The following DNAH6 variants were observed in gnomAD, a reference collection of about 807,000 sequenced individuals.
DNAH6 encodes axonemal beta dynein heavy chain 6.
A neutral mutation model predicts 491.4 loss-of-function variants in DNAH6; 340 were observed. The observed-to-expected ratio is 0.69, with a 90% confidence interval of 0.63 to 0.76. The LOEUF is 0.76. Among genes scored for constraint, DNAH6 ranks in the 30% least tolerant of loss-of-function variants. The probability of loss-of-function intolerance (pLI) is 0.00; values close to 1 mark genes in which losing one functional copy is unlikely to be tolerated. For missense variants in DNAH6, 4,443 were observed against 4,972.2 expected, an observed-to-expected ratio of 0.89 and a Z score of 3.20; for synonymous variants, 1,603 against 1,686.1, an observed-to-expected ratio of 0.95 and a Z score of 1.21.
At chr2:84,596,582 C>T (rs150428264) in intron 18 of DNAH6, among the ~76,000 whole-genome samples, 11 of 151,946 alleles carry the variant, frequency 7.2e-5, no homozygotes, top group African/African-American at 2.4e-4. Context: ...CCACCTGCCT[C>T]GGCCTCCCAA....
intron 75 of DNAH6, among the ~76,000 whole-genome samples, chr2:84,814,464 T>G (rs1448921516): frequency 1.3e-5 from 2 of 152,192 alleles, no homozygotes; most frequent in Non-Finnish European, 2.9e-5. Flanking sequence ...ACACTACCTT[T>G]CACCAGCTGC....
At chr2:84,813,021 A>G (rs924289854) in intron 73 of DNAH6, 37 bp from the exon 74 acceptor site, 2 of 1,516,100 alleles carry the variant, frequency 1.3e-6, no homozygotes, top group African/African-American at 2.8e-5. Context: ...ATTCCATCCC[A>G]GAAATAACGT....
chr2:84,653,842 A>T lies in DNAH6; in HGVS notation c.5602A>T (p.Lys1868Ter). 2 of 1,550,578 alleles carry T rather than the reference A, an allele frequency of 1.3e-6. No homozygotes were observed. Among genetic ancestry groups the T allele is most frequent in the Non-Finnish European group, 1.7e-6 (2 of 1,146,100 alleles). The stretch of plus-strand genomic sequence containing the variant: ...TTGCCTGGCTAACAGTGAGAGGATT[A>T]AACTCACACCTCAAATTCACATGCT... ...MLCLANSERI[K>*]LTPQIHMLFE... Residue 1868 changes from lysine to a stop codon, truncating the protein, a stop_gained, in exon 34 of 77, where the codon AAA becomes TAA. Transcript: ENST00000389394. LOFTEE classifies it high-confidence loss of function.
chr2:84,715,476 A>G lies in DNAH6; in HGVS notation c.9544-84A>G, dbSNP rs1697437687. ...AGACCTGAGATACATCCGCCTGGGTAGTAATGAGCTGTGTTCTAATAAAGA... is the reference window on the plus strand; with the variant it reads ...AGACCTGAGATACATCCGCCTGGGTGGTAATGAGCTGTGTTCTAATAAAGA... On this transcript the variant is annotated intron_variant, in intron 57 of 76. Coordinates refer to ENST00000389394, the MANE Select transcript of DNAH6 (RefSeq NM_001370.2). 6.3e-6 allele frequency: 8 copies of G among 1,267,624 alleles called. No individual in the cohort carries two copies. In the East Asian group the frequency reaches 2.0e-4, roughly 32 times the overall value. 78.5% of individuals were successfully genotyped at this position (1,267,624 alleles called of 1,614,324 possible).
In DNAH6 at chr2:84,745,216, G is replaced by A; in HGVS notation, c.10479G>A (p.Lys3493=). ...GTGCAGGATTGAGTTCTTTCCATAAGCTAATTCTTATTAAATGTTGTAAAG... is the reference window on the plus strand; with the variant it reads ...GTGCAGGATTGAGTTCTTTCCATAAACTAATTCTTATTAAATGTTGTAAAG... The part of the protein sequence containing the change: ...PWSAGLSSFH[K]LILIKCCKEE... Residue 3493 remains lysine (K), a synonymous_variant, in exon 63 of 77, where the codon AAG becomes AAA. Transcript: ENST00000389394. 3 of 1,524,186 alleles carry A rather than the reference G, an allele frequency of 2.0e-6. No individual in the cohort carries two copies. In the South Asian group the frequency reaches 3.9e-5, roughly 20 times the overall value. 94.4% of individuals were successfully genotyped at this position (1,524,186 alleles called of 1,614,324 possible). A position where few individuals can be genotyped will look rare whatever the true frequency, so the allele number is the denominator to read the frequency against.
At chr2:84,604,022 ATCT>A (rs1020985477) in intron 18 of DNAH6, among the ~76,000 whole-genome samples, 8 of 152,232 alleles carry the variant, frequency 5.3e-5, no homozygotes, top group African/African-American at 1.7e-4. Context: ...ATTTAGCTGA[ATCT>A]TCTTAATAGT....
intron 18 of DNAH6, among the ~76,000 whole-genome samples, chr2:84,599,430 A>C (rs1262023058): frequency 6.6e-6 from 1 of 151,668 alleles, no homozygotes. Flanking sequence ...TATTTTCTCT[A>C]TGTTTCTTCT....
intron 37 of DNAH6, among the ~76,000 whole-genome samples, chr2:84,664,107 A>T (rs978040733): frequency 6.6e-6 from 1 of 152,216 alleles, no homozygotes; most frequent in African/African-American, 2.4e-5. Context: ...AGCACTAAAC[A>T]TGGAAAGGAA....
rs963568961 is a variant in DNAH6, at chr2:84,703,513, T to A, written c.8180T>A (p.Val2727Asp). The change falls in exon 50 of 77, where the codon GTT becomes GAT. Residue 2727 changes from valine (V) to aspartate (D), a missense_variant. Val to Asp is a radical substitution (Grantham distance 152, BLOSUM62 -3). Transcript: ENST00000389394. ...GTACTTTTAGCAAAATCAGAAGATGTTGAAGCCCTGATGGAAAAATTGGCA... is the reference window on the plus strand; with the variant it reads ...GTACTTTTAGCAAAATCAGAAGATGATGAAGCCCTGATGGAAAAATTGGCA... ...EPVLLAKSED[V>D]EALMEKLAVD... 2 of 1,551,396 alleles carry A rather than the reference T, an allele frequency of 1.3e-6. No homozygotes were observed. The highest frequency in any genetic ancestry group is 2.7e-5 in the African/African-American group (2 of 73,040).
the DNAH6 span, among the ~76,000 whole-genome samples, chr2:84,510,375 G>A: frequency 6.6e-6 from 1 of 152,170 alleles, no homozygotes; most frequent in African/African-American, 2.4e-5. Flanking sequence ...ATCGGCTACT[G>A]AGGCTTGTGC....
At chr2:84,612,097 G>A (rs1047280153) in intron 22 of DNAH6, among the ~76,000 whole-genome samples, 1 of 151,938 alleles carries the variant, frequency 6.6e-6, no homozygotes, top group Admixed American at 6.6e-5. Context: ...TTTCGGAAAA[G>A]GAGAATCTGC....
In DNAH6 at chr2:84,620,635, T is replaced by C. The variant is rs370156615; in HGVS notation, c.3793-556T>C. The stretch of plus-strand genomic sequence containing the variant: ...ACACAGTGGTGTATCTATGGGAACA[T>C]ATAAACATTTTATTTGTTCTGAATT... On this transcript the variant is annotated intron_variant, in intron 24 of 76. Coordinates refer to ENST00000389394, the MANE Select transcript of DNAH6 (RefSeq NM_001370.2). Among the ~76,000 whole-genome samples the C allele has an allele frequency of 4.6e-5, 7 of 152,304 alleles. No homozygotes were observed. The East Asian group carries it at 7.7e-4, about 17-fold the overall frequency.
chr2:84,672,192 C>G (rs1025824182), intron 39 of DNAH6, 135 bp from the exon 40 acceptor site: 1 of 846,166 alleles, frequency 1.2e-6, no homozygotes, highest in Non-Finnish European at 1.7e-6. Flanking sequence ...GTCTCTCCTC[C>G]TCCAGGCAGG....
intron 68 of DNAH6, among the ~76,000 whole-genome samples, chr2:84,795,896 C>T (rs1470926052): frequency 1.3e-5 from 2 of 152,298 alleles, no homozygotes; most frequent in East Asian, 3.9e-4. Context: ...GAATGCCTTG[C>T]TGCAAATACT....
At chr2:84,587,928 G>A (rs1222408072) in intron 15 of DNAH6, among the ~76,000 whole-genome samples, 1 of 152,140 alleles carries the variant, frequency 6.6e-6, no homozygotes, top group Non-Finnish European at 1.5e-5. Flanking sequence ...GGTCTTTCCT[G>A]GTTCTTTAGG....
At chr2:84,495,125 T>A in the DNAH6 span, among the ~76,000 whole-genome samples, 4 of 152,172 alleles carry the variant, frequency 2.6e-5, no homozygotes, top group Non-Finnish European at 5.9e-5. Flanking sequence ...TTTTCAAAGT[T>A]CTCTAAGTGA....
At chr2:84,555,305 C>T (rs1679908552) in intron 10 of DNAH6, among the ~76,000 whole-genome samples, 1 of 152,120 alleles carries the variant, frequency 6.6e-6, no homozygotes, top group South Asian at 2.1e-4. Flanking sequence ...GTGAGACAAA[C>T]CTCCATTGCA....
rs539727552 is a variant in DNAH6 at position 84,529,636 on chromosome 2, G to A, written c.662+470G>A. Among the ~76,000 whole-genome samples the A allele has an allele frequency of 1.1e-3, 171 of 152,214 alleles. 5 individuals are homozygous for A. In the South Asian group the frequency reaches 0.032, roughly 28 times the overall value. On this transcript the variant is annotated intron_variant, in intron 4 of 76. Transcript: ENST00000389394. The stretch of plus-strand genomic sequence containing the variant: ...CACACACTTTCTGTGTGTTGTTGCC[G>A]CACATTTGTTGTTGATATAATTGGA...
the DNAH6 span, among the ~76,000 whole-genome samples, chr2:84,466,092 G>A: frequency 1.3e-5 from 2 of 152,062 alleles, no homozygotes; most frequent in Admixed American, 6.5e-5. Context: ...CTCTCCTTTT[G>A]AGGTCCCAAG....
Sources: gnomAD v4.1 joint callset for allele counts (sites outside exome capture counted in the v4.1 genomes callset) on GRCh38, gnomAD v4.1.1 for gene constraint, MANE v1.5 for transcripts, NCBI Gene and HGNC (gene_info 2026-07-23, HGNC 2026-07-21) for gene names.